The following HTR3A variants were observed in gnomAD, a reference collection of about 807,000 sequenced individuals.
HTR3A encodes the protein 5-hydroxytryptamine (serotonin) receptor 3A, ionotropic.
A neutral mutation model predicts 54.8 loss-of-function variants in HTR3A; 45 were observed. The ratio of observed to expected loss-of-function variants is 0.82; its 90% CI spans 0.65 to 1.05. The LOEUF is 1.05. Ranked by LOEUF, HTR3A falls within the 50% of genes least tolerant of loss-of-function variation. The pLI is 0.00. For synonymous variants in HTR3A, 297 were observed against 256.0 expected (o/e 1.16, Z -1.53); for missense variants, 657 against 614.0 (o/e 1.07, Z -0.74).
intron 8 of HTR3A, among the ~76,000 whole-genome samples, chr11:113,988,562 G>A (rs535712089): frequency 1.8e-4 from 28 of 152,074 alleles, no homozygotes; most frequent in Non-Finnish European, 3.2e-4. Flanking sequence ...TCAGGAGTTC[G>A]AGACCAGCCT....
Position 113,986,446 on chromosome 11 carries a change from A to C in HTR3A, c.706-72A>C, listed in dbSNP as rs1001417832. 5.2e-6 allele frequency: 8 copies of C among 1,542,562 alleles called. No homozygotes were observed. The African/African-American group carries it at 9.5e-5, about 18-fold the overall frequency. ...GAAGCCCCATAAAACAAGGAATCTG[A>C]GCTTGTGGGGTGGTTCCTGGGAGCA... On this transcript the variant is annotated intron_variant, in intron 6 of 8. Coordinates refer to ENST00000504030, the MANE Select transcript of HTR3A (RefSeq NM_000869.6).
At chr11:113,977,208 G>C (rs1299829131) in intron 1 of HTR3A, among the ~76,000 whole-genome samples, 1 of 152,176 alleles carries the variant, frequency 6.6e-6, no homozygotes, top group Non-Finnish European at 1.5e-5. Context: ...AGGATGTAGA[G>C]GAAATGTCAG....
chr11:113,983,407 C>T (rs550586941), intron 5 of HTR3A, 118 bp downstream of exon 5: 2 of 1,002,010 alleles, frequency 2.0e-6, no homozygotes, highest in Admixed American at 1.7e-5. Context: ...TGCCCTGGGC[C>T]TCTGCTTCCT....
rs766338857 is a variant in HTR3A, at chr11:113,989,658, C to T, written c.1332C>T (p.Arg444=). ...GAGAGGTGGCCCGAGACTGGCTGCG[C>T]GTGGGCTCCGTGCTGGACAAGCTGC... is the stretch of plus-strand genomic sequence containing the variant. ...EIREVARDWL[R]VGSVLDKLLF... The change falls in exon 9 of 9, where the codon CGC becomes CGT. Residue 444 remains arginine (R), a synonymous_variant. Transcript: ENST00000504030. This position sits in a 1 kb window ranked among gnomAD's most constrained non-coding sequence, Gnocchi z 4.4. 28 of 1,614,082 alleles carry T rather than the reference C, an allele frequency of 1.7e-5. No homozygotes were observed. The highest frequency in any genetic ancestry group is 9.9e-5 in the South Asian group (9 of 91,088).
At position 113,987,116 on chromosome 11, in the gene HTR3A, G is replaced by A. The variant is rs763052271; in HGVS notation, c.1138+70G>A. 535 of 1,528,906 alleles carry A rather than the reference G, an allele frequency of 3.5e-4. 1 individual carries two copies. Among genetic ancestry groups the A allele is most frequent in the Middle Eastern group, 1.2e-3 (7 of 5,926 alleles). The allele number at this position is 1,528,906 out of a possible 1,614,324, so 94.7% of individuals were successfully genotyped here. On this transcript the variant is annotated intron_variant, in intron 8 of 8. Coordinates refer to ENST00000504030, the MANE Select transcript of HTR3A (RefSeq NM_000869.6). ...GCTTGGATGTTGTGGAAAGTCTCTG[G>A]AGGGCGTGGCCTGCCAAGGAGGTGC...
At position 113,986,848 on chromosome 11, in the gene HTR3A, G is replaced by C; in HGVS notation, c.940G>C (p.Ala314Pro). 1 of 1,614,078 alleles carries C rather than the reference G, an allele frequency of 6.2e-7. No individual in the cohort carries two copies. The highest frequency in any genetic ancestry group is 1.1e-5 in the South Asian group (1 of 91,086). The stretch of plus-strand genomic sequence containing the variant: ...AGGTGTCTACTTTGTGGTGTGCATG[G>C]CTCTGCTGGTGATAAGTTTGGCCGA... ...LIGVYFVVCM[A>P]LLVISLAETI... Residue 314 changes from alanine (A) to proline (P), a missense_variant, in exon 8 of 9, where the codon GCT (alanine) becomes CCT (proline). Coordinates refer to ENST00000504030, the MANE Select transcript of HTR3A (RefSeq NM_000869.6).
At position 113,989,431 on chromosome 11, in the gene HTR3A, T is replaced by C; in HGVS notation, c.1139-34T>C. 1.2e-6 allele frequency: 2 copies of C among 1,612,800 alleles called. No individual in the cohort carries two copies. The highest frequency in any genetic ancestry group is 1.7e-6 in the Non-Finnish European group (2 of 1,179,584). On this transcript the variant is annotated intron_variant, in intron 8 of 8. Transcript: ENST00000504030. The surrounding 1 kb of genome is among the most constrained non-coding windows in gnomAD (Gnocchi z 4.4). The stretch of plus-strand genomic sequence containing the variant: ...CATGTTCAGGTCACCACCCGGGGTC[T>C]CCCTCTCTTGCCAATGCCCTGCCCT...
In HTR3A at chr11:113,990,244, A is replaced by G. The variant is rs1291151328; in HGVS notation, c.*481A>G. 2.2e-6 allele frequency: 1 copy of G among 454,032 alleles called. No homozygotes were observed. Among genetic ancestry groups the G allele is most frequent in the Non-Finnish European group, 4.4e-6 (1 of 226,906 alleles). 28.1% of individuals were successfully genotyped at this position (454,032 alleles called of 1,614,324 possible). A position where few individuals can be genotyped will look rare whatever the true frequency, so the allele number is the denominator to read the frequency against. ...TTTTTTTCTTCACCTCACTTGTGGC[A>G]GCTTCCCTGAACACTCATCCCCCAT... On this transcript the variant is annotated 3_prime_UTR_variant, in exon 9 of 9. Coordinates refer to ENST00000504030, the MANE Select transcript of HTR3A (RefSeq NM_000869.6).
chr11:113,984,900 AAGTCT>A (rs4020470), intron 5 of HTR3A, among the ~76,000 whole-genome samples: 145,826 of 151,594 alleles, frequency 0.96, 70,406 homozygotes, highest in East Asian at 1. Flanking sequence ...CCTGGGTGAC[AAGTCT>A]GACTGAGACT....
At chr11:113,978,786 T>C (rs995550489) in intron 2 of HTR3A, among the ~76,000 whole-genome samples, 23 of 151,520 alleles carry the variant, frequency 1.5e-4, no homozygotes, top group African/African-American at 4.4e-4. Context: ...AGGCCAGGAG[T>C]TCAAGACCAG....
intron 2 of HTR3A, 27 bp downstream of exon 2, chr11:113,977,949 A>G (rs781390448): frequency 3.1e-6 from 5 of 1,614,132 alleles, no homozygotes; most frequent in Non-Finnish European, 4.2e-6. Flanking sequence ...AGCTGCACAC[A>G]GGCAGACCTT....
Position 113,983,077 on chromosome 11 carries a change from CCT to C in HTR3A, c.375-42_375-41del, listed in dbSNP as rs760464570. ...AGATCTTCAGGCACCCAGAGCTTGC[CCT>C]GTCTCTTGAGCTCCCAAACTAACCC... On this transcript the variant is annotated intron_variant, in intron 4 of 8. Transcript: ENST00000504030. The C allele has an allele frequency of 3.9e-5, 63 of 1,612,626 alleles. 1 individual carries two copies. In the South Asian group the frequency reaches 4.6e-4, roughly 12 times the overall value.
chr11:113,982,510 T>C (rs776843663), intron 4 of HTR3A, among the ~76,000 whole-genome samples: 33 of 152,208 alleles, frequency 2.2e-4, no homozygotes, highest in Non-Finnish European at 4.1e-4. Flanking sequence ...GGGCTCAGCC[T>C]ACTCCATGCC....
At position 113,990,161 on chromosome 11, in the gene HTR3A, ACT is replaced by A. The variant is rs999123449; in HGVS notation, c.*403_*404del. 20 of 459,366 alleles carry A rather than the reference ACT, an allele frequency of 4.4e-5. No homozygotes were observed. The highest frequency in any genetic ancestry group is 3.8e-4 in the African/African-American group (19 of 49,996). The allele number at this position is 459,366 out of a possible 1,614,324, so 28.5% of individuals were successfully genotyped here. A position where few individuals can be genotyped will look rare whatever the true frequency, so the allele number is the denominator to read the frequency against. The stretch of plus-strand genomic sequence containing the variant: ...TGCTTTTAGGTTGAAGGCAAAACCA[ACT>A]CTCTACTACACAGGCCTGATAACTC... On this transcript the variant is annotated 3_prime_UTR_variant, in exon 9 of 9. Transcript: ENST00000504030.
intron 6 of HTR3A, 100 bp downstream of exon 6, chr11:113,986,275 C>A: frequency 6.8e-7 from 1 of 1,461,076 alleles, no homozygotes; most frequent in Non-Finnish European, 9.6e-7. Context: ...TTTTTCCAAC[C>A]CCAGGGTTGC....
At chr11:113,978,025 C>A in intron 2 of HTR3A, 103 bp downstream of exon 2, 1 of 1,338,970 alleles carries the variant, frequency 7.5e-7, no homozygotes, top group Non-Finnish European at 1.1e-6. Flanking sequence ...CATTTGAGAA[C>A]CCATAGGACC....
intron 3 of HTR3A, 118 bp from the exon 4 acceptor site, chr11:113,981,085 C>T: frequency 1.4e-6 from 1 of 717,716 alleles, no homozygotes; most frequent in East Asian, 2.6e-5. Context: ...ACACCAGCTT[C>T]TCCCAGGAAG....
rs964070699 is a variant in HTR3A at position 113,986,755 on chromosome 11, C to T, written c.916+27C>T. ...TAAGGCCCCTCCTGGCAGCAGAGCT[C>T]AGTCTGGTGAGAAACCCGCCCCCTC... On this transcript the variant is annotated intron_variant, in intron 7 of 8. Transcript: ENST00000504030. The T allele has an allele frequency of 1.9e-6, 3 of 1,614,090 alleles. No homozygotes were observed. In the African/African-American group the frequency reaches 4.0e-5, roughly 22 times the overall value.
chr11:113,988,070 T>A (rs924387906), intron 8 of HTR3A, among the ~76,000 whole-genome samples: 2 of 152,214 alleles, frequency 1.3e-5, no homozygotes, highest in Non-Finnish European at 2.9e-5. Flanking sequence ...CCCAGGCCCA[T>A]CTGACTCTAA....
Sources: gnomAD v4.1 joint callset for allele counts (sites outside exome capture counted in the v4.1 genomes callset) on GRCh38, gnomAD v4.1.1 for gene constraint, Gnocchi (gnomAD v3.1) non-coding constraint, MANE v1.5 for transcripts, NCBI Gene and HGNC (gene_info 2026-07-23, HGNC 2026-07-21) for gene names.